MAD1L1: variants seen among roughly 807,000 people sequenced by gnomAD.
MAD1L1 encodes mitotic arrest deficient 1 like 1.
A neutral mutation model predicts 96.9 loss-of-function variants in MAD1L1; 95 were observed. The ratio of observed to expected loss-of-function variants is 0.98; its 90% confidence interval spans 0.83 to 1.16. MAD1L1 has a LOEUF of 1.16. Ranked by LOEUF, MAD1L1 falls within the 50% of genes most tolerant of loss-of-function variation. The pLI, the probability that MAD1L1 is intolerant of heterozygous loss-of-function variation, is 0.00. For synonymous variants in MAD1L1, 473 were observed against 396.6 expected (o/e 1.19, Z -2.29); for missense variants, 1,007 against 954.4 (o/e 1.06, Z -0.73).
intron 18 of MAD1L1, among the ~76,000 whole-genome samples, chr7:1,878,276 G>GA (rs557643180): frequency 4.0e-4 from 60 of 151,894 alleles, no homozygotes; most frequent in African/African-American, 1.4e-3. Context: ...AATTCTTCCA[G>GA]AAAAAAGAGG....
intron 18 of MAD1L1, among the ~76,000 whole-genome samples, chr7:1,818,330 C>T (rs936987183): frequency 1.6e-4 from 25 of 152,084 alleles, no homozygotes; most frequent in African/African-American, 5.8e-4. Context: ...TCCAGGCACC[C>T]GCCTTCCCCG....
intron 18 of MAD1L1, among the ~76,000 whole-genome samples, chr7:1,876,269 T>C (rs571110068): frequency 1.9e-4 from 29 of 152,254 alleles, no homozygotes; most frequent in African/African-American, 7.0e-4. Flanking sequence ...CAGCTCCTTC[T>C]CTGGAGGCTA....
intron 15 of MAD1L1, among the ~76,000 whole-genome samples, chr7:1,965,137 T>C (rs1044149890): frequency 6.6e-6 from 1 of 152,182 alleles, no homozygotes; most frequent in Non-Finnish European, 1.5e-5. Context: ...ACCATTTCCC[T>C]TGAACAACGG....
intron 18 of MAD1L1, among the ~76,000 whole-genome samples, chr7:1,896,659 T>C (rs867026551): frequency 2.6e-5 from 4 of 152,262 alleles, no homozygotes; most frequent in East Asian, 3.9e-4. Context: ...AGATGACGAG[T>C]GGCTTGCTTC....
At chr7:1,887,834 T>G (rs1786195825) in intron 18 of MAD1L1, among the ~76,000 whole-genome samples, 1 of 43,492 alleles carries the variant, frequency 2.3e-5, no homozygotes. Context: ...TGTGCATGTA[T>G]GTGGCGTCCT....
intron 11 of MAD1L1, among the ~76,000 whole-genome samples, chr7:2,095,026 A>AAT (rs57612463): frequency 0.055 from 8,261 of 150,596 alleles, 386 homozygotes; most frequent in African/African-American, 0.12. Context: ...TTAAATAGTA[A>AAT]ATATATATAT....
At chr7:1,971,705 G>C (rs1780415076) in intron 15 of MAD1L1, among the ~76,000 whole-genome samples, 1 of 152,104 alleles carries the variant, frequency 6.6e-6, no homozygotes, top group Non-Finnish European at 1.5e-5. Context: ...AAGAAAAGAA[G>C]GCACAGCATC....
intron 17 of MAD1L1, among the ~76,000 whole-genome samples, chr7:1,910,956 C>T (rs539163711): frequency 6.6e-6 from 1 of 152,342 alleles, no homozygotes; most frequent in South Asian, 2.1e-4. Flanking sequence ...ACCCTGCACC[C>T]ATCCCGTGAC....
At chr7:1,933,630 G>A (rs1252449461) in intron 17 of MAD1L1, among the ~76,000 whole-genome samples, 1 of 152,194 alleles carries the variant, frequency 6.6e-6, no homozygotes, top group African/African-American at 2.4e-5. Flanking sequence ...TGAGACCTGA[G>A]AATCCACATT....
chr7:1,909,829 G>A (rs893233040), intron 17 of MAD1L1, among the ~76,000 whole-genome samples: 1 of 152,176 alleles, frequency 6.6e-6, no homozygotes, highest in African/African-American at 2.4e-5. Flanking sequence ...CCTCCATGAT[G>A]AGCCATGAGT....
At chr7:1,959,911 A>T (rs2128474867) in intron 15 of MAD1L1, among the ~76,000 whole-genome samples, 1 of 152,340 alleles carries the variant, frequency 6.6e-6, no homozygotes, top group Admixed American at 6.5e-5. Context: ...TCTTACATTC[A>T]GGTCTCTTAA....
rs763735240 is a variant in MAD1L1, at chr7:1,838,451, G to A, written c.1999-22223C>T. 16 of 256,016 alleles carry A rather than the reference G, an allele frequency of 6.2e-5. 1 individual carries two copies. The highest frequency in any genetic ancestry group is 1.5e-4 in the South Asian group (3 of 19,934). 15.9% of individuals were successfully genotyped at this position (256,016 alleles called of 1,614,324 possible). On this transcript the variant is annotated intron_variant, in intron 18 of 18. Coordinates refer to ENST00000265854, the MANE Select transcript of MAD1L1 (RefSeq NM_001013836.2). ...TCAAATGTTCTATCAACGGATGAACGGATAAACAACCATGGTCTATCCACA... is the reference window on the plus strand; with the variant it reads ...TCAAATGTTCTATCAACGGATGAACAGATAAACAACCATGGTCTATCCACA...
chr7:2,125,879 G>A (rs752661663), intron 11 of MAD1L1, among the ~76,000 whole-genome samples: 14 of 130,832 alleles, frequency 1.1e-4, no homozygotes, highest in South Asian at 5.1e-4. Flanking sequence ...GTCAGCTTAC[G>A]CGTCTGTTTT....
intron 18 of MAD1L1, among the ~76,000 whole-genome samples, chr7:1,869,940 G>A (rs886230750): frequency 1.3e-5 from 2 of 152,158 alleles, no homozygotes; most frequent in African/African-American, 2.4e-5. Flanking sequence ...TCCAACAGGC[G>A]GCTGGCTGGA....
chr7:1,828,431 T>C (rs1017013686), intron 18 of MAD1L1, among the ~76,000 whole-genome samples: 1 of 151,756 alleles, frequency 6.6e-6, no homozygotes, highest in Non-Finnish European at 1.5e-5. Flanking sequence ...CCTGGAGCAT[T>C]AGAGAGAAAA....
chr7:1,971,894 TG>T (rs1275875647), intron 15 of MAD1L1, among the ~76,000 whole-genome samples: 2 of 152,186 alleles, frequency 1.3e-5, no homozygotes, highest in Non-Finnish European at 2.9e-5. Context: ...GAGGGAGCGC[TG>T]GAACTGCAGG....
intron 10 of MAD1L1, among the ~76,000 whole-genome samples, chr7:2,163,976 A>G (rs1159675821): frequency 2.0e-5 from 3 of 152,164 alleles, no homozygotes; most frequent in Non-Finnish European, 4.4e-5. Flanking sequence ...CAGTCAGTCA[A>G]GCACTCAATT....
At chr7:1,902,320 C>T (rs1337338067) in intron 17 of MAD1L1, among the ~76,000 whole-genome samples, 4 of 152,316 alleles carry the variant, frequency 2.6e-5, no homozygotes, top group African/African-American at 9.6e-5. Flanking sequence ...ATTTACAGCA[C>T]TTATCTCAAG....
At chr7:1,882,178 C>A (rs947665094) in intron 18 of MAD1L1, among the ~76,000 whole-genome samples, 4 of 152,212 alleles carry the variant, frequency 2.6e-5, no homozygotes, top group African/African-American at 4.8e-5. Context: ...ACTGCAAGTA[C>A]CCCACCCTGG....
Sources: gnomAD v4.1 joint callset for allele counts (sites outside exome capture counted in the v4.1 genomes callset) on GRCh38, gnomAD v4.1.1 for gene constraint, MANE v1.5 for transcripts, NCBI Gene and HGNC (gene_info 2026-07-23, HGNC 2026-07-21) for gene names.